DAB2IP: variants seen among roughly 807,000 people sequenced by gnomAD.
DAB2IP encodes the protein disabled homolog 2-interacting protein.
Under a neutral mutation model 107.2 loss-of-function variants are expected in DAB2IP, and 28 were observed. The ratio of observed to expected loss-of-function variants is 0.26; its 90% CI spans 0.19 to 0.36. The LOEUF (loss-of-function observed/expected upper bound fraction) is 0.36. DAB2IP is among the 10% of genes least tolerant of loss of function. The probability of loss-of-function intolerance (pLI) is 1.00; values close to 1 mark genes in which losing one functional copy is unlikely to be tolerated. For missense variants in DAB2IP, 1,400 were observed against 1,644.7 expected (o/e 0.85, Z 2.57); for synonymous variants, 755 against 706.4 (o/e 1.07, Z -1.09).
At chr9:121,611,185 G>C (rs1310653559) in intron 1 of DAB2IP, among the ~76,000 whole-genome samples, 1 of 152,218 alleles carries the variant, frequency 6.6e-6, no homozygotes, top group Non-Finnish European at 1.5e-5. Flanking sequence ...TGTTGGCCAG[G>C]CTGGTCTCGA....
intron 2 of DAB2IP, among the ~76,000 whole-genome samples, chr9:121,683,711 C>G (rs1056905225): frequency 2.6e-5 from 4 of 152,194 alleles, no homozygotes; most frequent in African/African-American, 9.7e-5. Context: ...TGGTTGTGCA[C>G]ACCCTGCATA....
At chr9:121,759,153 A>G (rs945285469) in intron 5 of DAB2IP, among the ~76,000 whole-genome samples, 157 bp downstream of exon 5, 3 of 152,212 alleles carry the variant, frequency 2.0e-5, no homozygotes, top group Non-Finnish European at 4.4e-5. Flanking sequence ...GGACTCTGAA[A>G]GAGACGTTTG....
intron 1 of DAB2IP, among the ~76,000 whole-genome samples, chr9:121,678,161 C>G (rs762862248): frequency 1.8e-4 from 28 of 152,242 alleles, no homozygotes; most frequent in African/African-American, 1.7e-4. Context: ...TTGTTCCCCT[C>G]TCTCATCAGC....
Position 121,651,871 on chromosome 9 carries a change from C to A in DAB2IP, c.96C>A (p.Arg32=). Residue 32 remains arginine (R), a synonymous_variant, in exon 1 of 16, where the codon CGC becomes CGA. Transcript: ENST00000408936. The surrounding 1 kb of genome is among the most constrained non-coding windows in gnomAD (Gnocchi z 5.1). ...CCCGGCTGCAGCGACAGAGGAGCCG[C>A]TCCCGCAGCCGGACCCGGCCTGCCA... The A allele has an allele frequency of 1.4e-6, 2 of 1,443,712 alleles. No homozygotes were observed. The highest frequency in any genetic ancestry group is 1.8e-6 in the Non-Finnish European group (2 of 1,093,476). 89.4% of individuals were successfully genotyped at this position (1,443,712 alleles called of 1,614,324 possible).
chr9:121,602,949 G>A (rs1480742317), intron 1 of DAB2IP, among the ~76,000 whole-genome samples: 4 of 151,754 alleles, frequency 2.6e-5, no homozygotes. Flanking sequence ...AGTTCCTGAT[G>A]CTCCTGCCTC....
intron 1 of DAB2IP, among the ~76,000 whole-genome samples, chr9:121,612,807 A>G (rs1246187151): frequency 6.6e-6 from 1 of 152,158 alleles, no homozygotes; most frequent in Non-Finnish European, 1.5e-5. Flanking sequence ...AGAGGAAGAA[A>G]GGCTAGAGCC....
At position 121,766,561 on chromosome 9, in the gene DAB2IP, C is replaced by T. The variant is rs1244760913; in HGVS notation, c.1528C>T (p.Pro510Ser). ...GCAGGAGTGCAGCAGTCGCGGCCGC[C>T]CGGACATCAGTGAGCGGCTCATCAG... is the stretch of plus-strand genomic sequence containing the variant. The change falls in exon 9 of 16, where the codon CCG (proline) becomes TCG (serine). Residue 510 changes from proline to serine, a missense_variant. By Grantham distance (74) the Pro-to-Ser change is moderately conservative (BLOSUM62 -1). This residue lies in a region of DAB2IP where 517 missense variants were observed against 748.6 expected (regional missense o/e 0.69). Transcript: ENST00000408936. 3 of 1,613,532 alleles carry T rather than the reference C, an allele frequency of 1.9e-6. No homozygotes were observed. The African/African-American group carries it at 4.0e-5, about 21-fold the overall frequency.
chr9:121,709,297 CG>C (rs1425683644), intron 3 of DAB2IP, among the ~76,000 whole-genome samples: 1 of 152,120 alleles, frequency 6.6e-6, no homozygotes, highest in Non-Finnish European at 1.5e-5. Context: ...CGTAGCGGGG[CG>C]GGGGACGGAG....
At chr9:121,747,826 T>TTC (rs376354958) in intron 3 of DAB2IP, among the ~76,000 whole-genome samples, 13 of 149,810 alleles carry the variant, frequency 8.7e-5, no homozygotes, top group East Asian at 3.9e-4. Flanking sequence ...TTTTTGTTTC[T>TTC]TCTCTCTCTC....
In DAB2IP at chr9:121,774,736, C is replaced by G. The variant is rs372090084; in HGVS notation, c.3120+324C>G. Among the ~76,000 whole-genome samples the G allele has an allele frequency of 8.5e-5, 13 of 152,302 alleles. No individual in the cohort carries two copies. In the East Asian group the frequency reaches 1.2e-3, roughly 14 times the overall value. On this transcript the variant is annotated intron_variant, in intron 13 of 15. Coordinates refer to ENST00000408936, the Ensembl canonical transcript of DAB2IP. ...TGAGGCAGTTGAGCTTCCTGAGGACCTGGGGGTTGAGGGCTGAGGGTGCCC... is the reference window on the plus strand; with the variant it reads ...TGAGGCAGTTGAGCTTCCTGAGGACGTGGGGGTTGAGGGCTGAGGGTGCCC...
intron 3 of DAB2IP, among the ~76,000 whole-genome samples, chr9:121,748,014 C>T (rs549663970): frequency 1.3e-5 from 2 of 152,316 alleles, no homozygotes; most frequent in South Asian, 4.1e-4. Flanking sequence ...CCTCTCGAAT[C>T]CCTGGTCTCT....
intron 1 of DAB2IP, among the ~76,000 whole-genome samples, chr9:121,622,454 T>G (rs1047060954): frequency 1.3e-5 from 2 of 152,174 alleles, no homozygotes; most frequent in Admixed American, 6.5e-5. Context: ...GAGGCCAGGA[T>G]GGGGACCTCC....
chr9:121,758,489 G>T (rs1833649964), intron 4 of DAB2IP, among the ~76,000 whole-genome samples: 1 of 152,196 alleles, frequency 6.6e-6, no homozygotes, highest in Non-Finnish European at 1.5e-5. Flanking sequence ...TTGTCTCCTT[G>T]GTTCTTGTGG....
chr9:121,651,849 G>C lies in DAB2IP; in HGVS notation c.74G>C (p.Arg25Pro). Reference sequence around the variant, plus strand: ...TACTACCGGCTGCTGAGGCGGCCCCGGCTGCAGCGACAGAGGAGCCGCTCC... The same window carrying C: ...TACTACCGGCTGCTGAGGCGGCCCCCGCTGCAGCGACAGAGGAGCCGCTCC... The change falls in exon 1 of 16, where the codon CGG becomes CCG. Residue 25 changes from arginine (R) to proline (P), a missense_variant. By Grantham distance (103) the Arg-to-Pro change is moderately radical. Transcript: ENST00000408936. The surrounding 1 kb of genome is among the most constrained non-coding windows in gnomAD (Gnocchi z 5.1). 1 of 1,464,250 alleles carries C rather than the reference G, an allele frequency of 6.8e-7. No individual in the cohort carries two copies. Among genetic ancestry groups the C allele is most frequent in the Non-Finnish European group, 9.1e-7 (1 of 1,104,960 alleles). 90.7% of individuals were successfully genotyped at this position (1,464,250 alleles called of 1,614,324 possible).
At chr9:121,727,705 G>A (rs1210118183) in intron 3 of DAB2IP, among the ~76,000 whole-genome samples, 1 of 152,222 alleles carries the variant, frequency 6.6e-6, no homozygotes, top group Non-Finnish European at 1.5e-5. Flanking sequence ...CCCACTGCAG[G>A]GGCAGGTGAG....
At chr9:121,668,955 A>T (rs1443051440) in intron 1 of DAB2IP, among the ~76,000 whole-genome samples, 1 of 114,570 alleles carries the variant, frequency 8.7e-6, no homozygotes, top group Non-Finnish European at 1.6e-5. Context: ...TTGCTTTGTC[A>T]CCCAGGCTGG....
intron 1 of DAB2IP, among the ~76,000 whole-genome samples, chr9:121,582,278 G>T (rs1321450254): frequency 6.6e-5 from 10 of 152,174 alleles, no homozygotes; most frequent in Admixed American, 6.5e-4. Context: ...GGGGTGAAGA[G>T]GTCAGGGACT....
At chr9:121,678,872 C>T (rs1394431980) in intron 2 of DAB2IP, 91 bp downstream of exon 2, 17 of 1,238,042 alleles carry the variant, frequency 1.4e-5, no homozygotes, top group Non-Finnish European at 1.7e-5. Flanking sequence ...GCCCCCCTTC[C>T]TGGAGCCTCA....
chr9:121,586,547 C>A (rs575520778), intron 1 of DAB2IP, among the ~76,000 whole-genome samples: 1 of 152,202 alleles, frequency 6.6e-6, no homozygotes, highest in East Asian at 1.9e-4. Context: ...ACCTGTTATG[C>A]AGCCTGAATT....
Sources: allele counts gnomAD v4.1 joint callset (sites outside exome capture counted in the v4.1 genomes callset), GRCh38; gene constraint gnomAD v4.1.1; regional missense constraint gnomAD v4.1.1; non-coding constraint Gnocchi (gnomAD v3.1); transcripts MANE v1.5; gene names NCBI Gene and HGNC (gene_info 2026-07-23, HGNC 2026-07-21).